Variants in WAC observed in about 807,000 individuals in gnomAD.
WAC encodes WW domain-containing adapter protein with coiled-coil.
A neutral mutation model predicts 79.6 loss-of-function variants in WAC; 11 were observed. The observed-to-expected ratio is 0.14, with a 90% CI of 0.09 to 0.23. The LOEUF is 0.23. WAC is among the 10% of genes least tolerant of loss of function. WAC has a pLI of 1.00. For missense variants in WAC, 728 were observed against 773.5 expected, an observed-to-expected ratio of 0.94 and a Z score of 0.70; for synonymous variants, 304 against 276.9, an observed-to-expected ratio of 1.10 and a Z score of -0.97.
At chr10:28,533,977 C>T (rs201268892) in intron 1 of WAC, 21 bp from the exon 2 acceptor site, 283 of 1,605,234 alleles carry the variant, frequency 1.8e-4, no homozygotes, top group Non-Finnish European at 2.2e-4. Context: ...TATGTCGCTG[C>T]CTTCTCTTCC....
chr10:28,595,989 A>G lies in WAC; in HGVS notation c.867A>G (p.Ser289=). ...ATGCTAATGGAGCATCTACTTTATC[A>G]AAACTGCCTACACCCACATCTTCTG... is the stretch of plus-strand genomic sequence containing the variant. ...SFDANGASTL[S]KLPTPTSSVP... is the part of the protein sequence containing the mutation. The change falls in exon 7 of 14, where the codon TCA becomes TCG. Residue 289 remains serine (S), a synonymous_variant. Transcript: ENST00000354911. The G allele has an allele frequency of 6.2e-7, 1 of 1,614,170 alleles. No homozygotes were observed. Among genetic ancestry groups the G allele is most frequent in the Non-Finnish European group, 8.5e-7 (1 of 1,180,018 alleles).
intron 3 of WAC, among the ~76,000 whole-genome samples, chr10:28,567,279 C>T (rs1018781115): frequency 2.0e-5 from 3 of 151,242 alleles, no homozygotes; most frequent in Non-Finnish European, 4.4e-5. Flanking sequence ...GTTGTATACC[C>T]CCACTTCCAT....
At chr10:28,599,001 T>C (rs1840511220) in intron 7 of WAC, among the ~76,000 whole-genome samples, 1 of 152,240 alleles carries the variant, frequency 6.6e-6, no homozygotes, top group African/African-American at 2.4e-5. Context: ...ATAGCAACTT[T>C]AATCTTTACA....
At position 28,619,653 on chromosome 10, in the gene WAC, T is replaced by C. The variant is rs1211194944; in HGVS notation, c.*47T>C. The stretch of plus-strand genomic sequence containing the variant: ...GTTTTGAGAACAGGAACTGTAAATC[T>C]GTTGCCCAATCTTAACATTTTTGAG... On this transcript the variant is annotated 3_prime_UTR_variant, in exon 14 of 14. Transcript: ENST00000354911. 1.1e-5 allele frequency: 17 copies of C among 1,481,580 alleles called. No individual in the cohort carries two copies. The East Asian group carries it at 4.2e-4, about 37-fold the overall frequency. The allele number at this position is 1,481,580 out of a possible 1,614,324, so 91.8% of individuals were successfully genotyped here.
chr10:28,573,091 C>G, intron 3 of WAC, among the ~76,000 whole-genome samples: 1 of 146,010 alleles, frequency 6.8e-6, no homozygotes, highest in East Asian at 2.1e-4. Flanking sequence ...GACCAGCCAT[C>G]TCTTTTAAAA....
intron 7 of WAC, among the ~76,000 whole-genome samples, chr10:28,599,954 G>A (rs1007452488): frequency 6.6e-6 from 1 of 152,052 alleles, no homozygotes; most frequent in Non-Finnish European, 1.5e-5. Flanking sequence ...TTATCAGTTG[G>A]CACCCAAATG....
chr10:28,576,399 C>G (rs2132582972), intron 3 of WAC, among the ~76,000 whole-genome samples: 1 of 152,168 alleles, frequency 6.6e-6, no homozygotes, highest in South Asian at 2.1e-4. Flanking sequence ...AACCTGTCAA[C>G]AAAGGAATCT....
At chr10:28,575,447 A>G (rs1057459988) in intron 3 of WAC, among the ~76,000 whole-genome samples, 13 of 152,214 alleles carry the variant, frequency 8.5e-5, no homozygotes, top group African/African-American at 3.1e-4. Context: ...TCACATTAGC[A>G]GTTTGTATAA....
intron 3 of WAC, among the ~76,000 whole-genome samples, chr10:28,571,123 T>C (rs1044865432): frequency 1.3e-5 from 2 of 151,120 alleles, no homozygotes; most frequent in Non-Finnish European, 3.0e-5. Context: ...ACACCTGGGG[T>C]TTCGCCATGT....
Position 28,619,765 on chromosome 10 carries a change from ATACAAGATTGATTTG to A in WAC, c.*162_*176del. ...CTGTGAGAGTCAATTCAGGGGAAAG[ATACAAGATTGATTTG>A]TAAAACCCTTGAAATGTAGATTTCT... On this transcript the variant is annotated 3_prime_UTR_variant, in exon 14 of 14. Coordinates refer to ENST00000354911, the MANE Select transcript of WAC (RefSeq NM_016628.5). 1 of 532,380 alleles carries A rather than the reference ATACAAGATTGATTTG, an allele frequency of 1.9e-6. No homozygotes were observed. The highest frequency in any genetic ancestry group is 4.0e-5 in the Admixed American group (1 of 25,058). The allele number at this position is 532,380 out of a possible 1,614,324, so 33.0% of individuals were successfully genotyped here.
Position 28,589,779 on chromosome 10 carries a change from C to T in WAC, c.425C>T (p.Ser142Phe). 1 of 1,613,730 alleles carries T rather than the reference C, an allele frequency of 6.2e-7. No homozygotes were observed. ...GACTGGTCTGAGCATATTAGCTCTTCTGGGAAAAAGTACTACTACAATTGT... is the reference window on the plus strand; with the variant it reads ...GACTGGTCTGAGCATATTAGCTCTTTTGGGAAAAAGTACTACTACAATTGT... ...ADDWSEHISS[S>F]GKKYYYNCRT... The change falls in exon 5 of 14, where the codon TCT becomes TTT. Residue 142 changes from serine to phenylalanine, a missense_variant. Physicochemically the swap from Ser to Phe is radical, Grantham distance 155. Transcript: ENST00000354911.
At chr10:28,605,625 GTTTTTGTTAT>G (rs1044124081) in intron 7 of WAC, among the ~76,000 whole-genome samples, 2 of 152,042 alleles carry the variant, frequency 1.3e-5, no homozygotes, top group African/African-American at 4.8e-5. Flanking sequence ...AATTAAGGAT[GTTTTTGTTAT>G]TTTTTGTTAA....
intron 3 of WAC, among the ~76,000 whole-genome samples, chr10:28,557,376 A>G (rs1470537286): frequency 3.3e-5 from 5 of 152,330 alleles, no homozygotes; most frequent in East Asian, 1.9e-4. Context: ...TTTCTTTTGT[A>G]TAAACAGTCA....
chr10:28,587,434 G>A (rs1392629966), intron 4 of WAC, among the ~76,000 whole-genome samples: 1 of 152,158 alleles, frequency 6.6e-6, no homozygotes, highest in African/African-American at 2.4e-5. Context: ...AATCATGTTA[G>A]TATTATTATG....
intron 3 of WAC, among the ~76,000 whole-genome samples, chr10:28,542,209 C>T (rs912565916): frequency 3.3e-5 from 5 of 152,238 alleles, no homozygotes; most frequent in Non-Finnish European, 7.3e-5. Context: ...GTCACCCTCT[C>T]ACAGGGCCTT....
intron 10 of WAC, among the ~76,000 whole-genome samples, chr10:28,614,213 C>G (rs1841375562): frequency 6.6e-6 from 1 of 151,980 alleles, no homozygotes; most frequent in African/African-American, 2.4e-5. Context: ...TCACGCCATT[C>G]TCCTGCCTCA....
At chr10:28,535,922 C>T in intron 3 of WAC, 165 bp downstream of exon 3, 2 of 636,724 alleles carry the variant, frequency 3.1e-6, no homozygotes, top group Non-Finnish European at 4.9e-6. Flanking sequence ...ACTGTAGAAA[C>T]AAGATGCTGA....
At chr10:28,573,907 T>A (rs189144427) in intron 3 of WAC, among the ~76,000 whole-genome samples, 8 of 152,124 alleles carry the variant, frequency 5.3e-5, no homozygotes. Context: ...CTGCATTTTC[T>A]GTCTCGACAG....
intron 3 of WAC, among the ~76,000 whole-genome samples, chr10:28,567,364 T>G (rs1289860757): frequency 6.6e-6 from 1 of 152,210 alleles, no homozygotes; most frequent in Non-Finnish European, 1.5e-5. Flanking sequence ...TCTCTGATTC[T>G]GCGTCTTACT....
Sources: gnomAD v4.1 joint callset for allele counts (sites outside exome capture counted in the v4.1 genomes callset) on GRCh38, gnomAD v4.1.1 for gene constraint, MANE v1.5 for transcripts, NCBI Gene and HGNC (gene_info 2026-07-23, HGNC 2026-07-21) for gene names.